ABCG1: variants seen among roughly 807,000 people sequenced by gnomAD.
ABCG1 encodes ATP binding cassette subfamily G member 1, also known as ATP-binding cassette sub-family G member 1.
Under a neutral mutation model 69.2 loss-of-function variants are expected in ABCG1, and 29 were observed. The ratio of observed to expected loss-of-function variants is 0.42; its 90% CI spans 0.31 to 0.57. The LOEUF (loss-of-function observed/expected upper bound fraction) is 0.57, where lower values mean the gene tolerates loss of function less well. Among genes scored for constraint, ABCG1 ranks in the 20% least tolerant of loss-of-function variants. ABCG1 has a pLI of 0.15. For synonymous variants in ABCG1, 370 were observed against 374.8 expected (o/e 0.99, Z 0.15); for missense variants, 718 against 898.1 (o/e 0.80, Z 2.56).
intron 5 of ABCG1, among the ~76,000 whole-genome samples, 194 bp downstream of exon 5, chr21:42,277,139 CTGG>C (rs984799635): frequency 6.6e-6 from 1 of 152,192 alleles, no homozygotes; most frequent in Non-Finnish European, 1.5e-5. Context: ...AAAGGCAGAT[CTGG>C]TGCACACGCT....
chr21:42,274,122 T>C (rs2068667200), intron 4 of ABCG1, among the ~76,000 whole-genome samples: 1 of 152,232 alleles, frequency 6.6e-6, no homozygotes, highest in African/African-American at 2.4e-5. Context: ...GCCGTGCACC[T>C]GCTTTATCCT....
intron 10 of ABCG1, among the ~76,000 whole-genome samples, chr21:42,289,328 G>T (rs1480183344): frequency 6.6e-6 from 1 of 152,140 alleles, no homozygotes; most frequent in Non-Finnish European, 1.5e-5. Context: ...AAGGAAAAGT[G>T]CAAGAGAGAA....
chr21:42,268,606 AAAAG>A (rs1300925381), intron 2 of ABCG1, among the ~76,000 whole-genome samples: 2 of 152,336 alleles, frequency 1.3e-5, no homozygotes, highest in African/African-American at 2.4e-5. Context: ...TTTTTTAAAA[AAAAG>A]AAAGAAAGAA....
At chr21:42,280,376 T>C (rs1157646610) in intron 5 of ABCG1, among the ~76,000 whole-genome samples, 1 of 152,206 alleles carries the variant, frequency 6.6e-6, no homozygotes, top group Non-Finnish European at 1.5e-5. Context: ...CAAAGCAGCC[T>C]CAGCCCTCCA....
chr21:42,243,850 A>G lies in ABCG1; in HGVS notation c.286+17936A>G, dbSNP rs1203095665. ...TTTTTTTTTTTTGAGACGGAGTCTC[A>G]CTCTGTCGCCCAGGCTGGAGTGCAG... On this transcript the variant is annotated intron_variant, in intron 2 of 14. Coordinates refer to ENST00000398449, the MANE Select transcript of ABCG1 (RefSeq NM_016818.3). Among the ~76,000 whole-genome samples, 31 of 112,402 alleles carry G rather than the reference A, an allele frequency of 2.8e-4. No homozygotes were observed. The East Asian group carries it at 3.3e-3, about 12-fold the overall frequency. 73.7% of individuals were successfully genotyped at this position (112,402 alleles called of 152,430 possible).
At chr21:42,275,675 A>G (rs2068696951) in intron 4 of ABCG1, among the ~76,000 whole-genome samples, 1 of 152,076 alleles carries the variant, frequency 6.6e-6, no homozygotes, top group Non-Finnish European at 1.5e-5. Context: ...TCCTCTCCCA[A>G]CCTCGCCACC....
At position 42,290,153 on chromosome 21, in the gene ABCG1, C is replaced by A. The variant is rs1241297323; in HGVS notation, c.1328C>A (p.Ser443Tyr). ...GAAGCCAAGAAGGTCTTGAGCAACT[C>A]CGGCTTCCTCTTCTTCTCCATGCTG... is the stretch of plus-strand genomic sequence containing the variant. ...GNEAKKVLSN[S>Y]GFLFFSMLFL... The change falls in exon 11 of 15, where the codon TCC becomes TAC. Residue 443 changes from serine (S) to tyrosine (Y), a missense_variant. This residue lies in a region of ABCG1 where 204 missense variants were observed against 323.8 expected (regional missense o/e 0.63). Transcript: ENST00000398449. 7 of 1,614,052 alleles carry A rather than the reference C, an allele frequency of 4.3e-6. No individual in the cohort carries two copies. The highest frequency in any genetic ancestry group is 5.9e-6 in the Non-Finnish European group (7 of 1,180,056).
At chr21:42,234,114 C>A (rs920705654) in intron 2 of ABCG1, among the ~76,000 whole-genome samples, 1 of 152,014 alleles carries the variant, frequency 6.6e-6, no homozygotes, top group Non-Finnish European at 1.5e-5. Context: ...CCTCATTAAG[C>A]CTTTGGGGAG....
intron 13 of ABCG1, among the ~76,000 whole-genome samples, chr21:42,292,067 G>A (rs1438435054): frequency 6.6e-6 from 1 of 152,140 alleles, no homozygotes; most frequent in Non-Finnish European, 1.5e-5. Context: ...CCTCTGTGGG[G>A]TTCCCTCGGC....
chr21:42,213,370 T>C (rs2067608090), upstream of ABCG1, among the ~76,000 whole-genome samples: 1 of 152,114 alleles, frequency 6.6e-6, no homozygotes, highest in African/African-American at 2.4e-5. Flanking sequence ...TCTCCATGGG[T>C]GTGTAGAGGG....
chr21:42,290,088 C>T lies in ABCG1; in HGVS notation c.1263C>T (p.Ile421=), dbSNP rs754413272. ...TGCGCATCACCTCGCACATTGGGAT[C>T]GGCCTCCTCATTGGCCTGCTGTACT... is the stretch of plus-strand genomic sequence containing the variant. The part of the protein sequence containing the change: ...THLRITSHIG[I]GLLIGLLYLG... Residue 421 remains isoleucine (I), a synonymous_variant, in exon 11 of 15, where the codon ATC becomes ATT. Coordinates refer to ENST00000398449, the MANE Select transcript of ABCG1 (RefSeq NM_016818.3). 8.7e-6 allele frequency: 14 copies of T among 1,614,086 alleles called. No homozygotes were observed. The highest frequency in any genetic ancestry group is 1.6e-4 in the Middle Eastern group (1 of 6,084).
At position 42,288,459 on chromosome 21, in the gene ABCG1, G is replaced by A; in HGVS notation, c.1224+147G>A. Reference sequence around the variant, plus strand: ...ATGGTGACTCATGTCTGTAACCCCAGCACTTTGGGAGGCCAAGGCAGGCAG... The same window carrying A: ...ATGGTGACTCATGTCTGTAACCCCAACACTTTGGGAGGCCAAGGCAGGCAG... On this transcript the variant is annotated intron_variant, in intron 10 of 14. Transcript: ENST00000398449. The surrounding 1 kb of genome is among the most constrained non-coding windows in gnomAD (Gnocchi z 4.8). The A allele has an allele frequency of 1.5e-6, 1 of 667,860 alleles. No individual in the cohort carries two copies. The highest frequency in any genetic ancestry group is 1.9e-5 in the South Asian group (1 of 52,452). The allele number at this position is 667,860 out of a possible 1,614,324, so 41.4% of individuals were successfully genotyped here.
chr21:42,287,914 C>T lies in ABCG1; in HGVS notation c.999C>T (p.Tyr333=), dbSNP rs148746792. Residue 333 remains tyrosine, a synonymous_variant, in exon 9 of 15, where the codon TAC becomes TAT. Transcript: ENST00000398449. This position sits in a 1 kb window ranked among gnomAD's most constrained non-coding sequence, Gnocchi z 6.2. ...DFVMEVASGE[Y]GDQNSRLVRA... ...TCATGGAGGTTGCATCCGGCGAGTA[C>T]GGTGATCAGAACAGTCGGCTGGTGA... 24 of 1,602,546 alleles carry T rather than the reference C, an allele frequency of 1.5e-5. No individual in the cohort carries two copies. The highest frequency in any genetic ancestry group is 1.1e-4 in the African/African-American group (8 of 74,598).
Position 42,276,003 on chromosome 21 carries a change from C to G in ABCG1, c.538-892C>G, listed in dbSNP as rs1363925555. ...CCTCTTTGCCCCACACCCCGCCCCCCTCCCCGCCACCGCCCTGCATCTCAC... is the reference window on the plus strand; with the variant it reads ...CCTCTTTGCCCCACACCCCGCCCCCGTCCCCGCCACCGCCCTGCATCTCAC... On this transcript the variant is annotated intron_variant, in intron 4 of 14. Coordinates refer to ENST00000398449, the MANE Select transcript of ABCG1 (RefSeq NM_016818.3). This position sits in a 1 kb window ranked among gnomAD's most constrained non-coding sequence, Gnocchi z 5.3. Among the ~76,000 whole-genome samples, 2 of 145,520 alleles carry G rather than the reference C, an allele frequency of 1.4e-5. No homozygotes were observed. The highest frequency in any genetic ancestry group is 5.0e-5 in the African/African-American group (2 of 40,034).
At position 42,267,858 on chromosome 21, in the gene ABCG1, ATCTGGGTCTGGTCTGGGTTCTG is replaced by A. The variant is rs1569227716; in HGVS notation, c.287-3204_287-3183del. ...CTGGTCTGGGTTCTGTCTGGGTCTG[ATCTGGGTCTGGTCTGGGTTCTG>A]TCTGGGTGTGGTCTGGGTTCTGTCT... On this transcript the variant is annotated intron_variant, in intron 2 of 14. Coordinates refer to ENST00000398449, the MANE Select transcript of ABCG1 (RefSeq NM_016818.3). Among the ~76,000 whole-genome samples, 3 of 30,010 alleles carry A rather than the reference ATCTGGGTCTGGTCTGGGTTCTG, an allele frequency of 1.0e-4. No individual in the cohort carries two copies. In the East Asian group the frequency reaches 3.3e-3, roughly 33 times the overall value. 19.7% of individuals were successfully genotyped at this position (30,010 alleles called of 152,430 possible).
At chr21:42,228,725 C>T (rs1253169422) in intron 2 of ABCG1, among the ~76,000 whole-genome samples, 3 of 152,170 alleles carry the variant, frequency 2.0e-5, no homozygotes, top group Admixed American at 2.0e-4. Context: ...GGCTCTGGTG[C>T]CCACAGGATT....
chr21:42,272,199 T>C (rs1445604767), intron 3 of ABCG1, among the ~76,000 whole-genome samples: 1 of 152,256 alleles, frequency 6.6e-6, no homozygotes, highest in African/African-American at 2.4e-5. Flanking sequence ...AATTCCTGCC[T>C]GTGACAGTCA....
chr21:42,206,383 T>C (rs7281377), intron 2 of ABCG1, among the ~76,000 whole-genome samples: 13,204 of 144,114 alleles, frequency 0.092, 1,105 homozygotes, highest in African/African-American at 0.23. Flanking sequence ...AATAAATAAA[T>C]AAACAAACAA....
At chr21:42,286,899 G>A (rs983242540) in intron 8 of ABCG1, among the ~76,000 whole-genome samples, 4 of 152,220 alleles carry the variant, frequency 2.6e-5, no homozygotes, top group Non-Finnish European at 4.4e-5. Context: ...GACCAGAGGG[G>A]CCTGGAAACA....
Sources: gnomAD v4.1 joint callset for allele counts (sites outside exome capture counted in the v4.1 genomes callset) on GRCh38, gnomAD v4.1.1 for gene constraint, gnomAD v4.1.1 regional missense constraint, Gnocchi (gnomAD v3.1) non-coding constraint, MANE v1.5 for transcripts, NCBI Gene and HGNC (gene_info 2026-07-23, HGNC 2026-07-21) for gene names.